MLLT10: variants seen among roughly 807,000 people sequenced by gnomAD.
MLLT10 encodes the protein MLLT10 histone lysine methyltransferase DOT1L cofactor.
Under a neutral mutation model 129.1 loss-of-function variants are expected in MLLT10, and 30 were observed. The ratio of observed to expected loss-of-function variants is 0.23; its 90% confidence interval spans 0.17 to 0.32. The LOEUF (loss-of-function observed/expected upper bound fraction) is 0.32, where lower values mean the gene tolerates loss of function less well. Among genes scored for constraint, MLLT10 ranks in the 10% least tolerant of loss-of-function variants. The pLI, the probability that MLLT10 is intolerant of heterozygous loss-of-function variation, is 1.00. For synonymous variants in MLLT10, 490 were observed against 446.4 expected (o/e 1.10, Z -1.23); for missense variants, 1,119 against 1,268.3 (o/e 0.88, Z 1.79).
rs527697532 is a variant in MLLT10 at position 21,534,410 on chromosome 10, TGAGGAGGAG to T, written c.-103_-95del. On this transcript the variant is annotated 5_prime_UTR_variant, in exon 1 of 23. Transcript: ENST00000307729. Reference sequence around the variant, plus strand: ...GGGTGGAGGTGGGGAGGGAAGACGCTGAGGAGGAGGAGGAGGCGGAGGAGGCGGTGGAGG... The same window carrying T: ...GGGTGGAGGTGGGGAGGGAAGACGCTGAGGAGGCGGAGGAGGCGGTGGAGG... 4.5e-6 allele frequency: 2 copies of T among 442,884 alleles called. No homozygotes were observed. Among genetic ancestry groups the T allele is most frequent in the Non-Finnish European group, 8.0e-6 (2 of 248,870 alleles). 27.4% of individuals were successfully genotyped at this position (442,884 alleles called of 1,614,324 possible).
intron 8 of MLLT10, among the ~76,000 whole-genome samples, chr10:21,632,965 AC>A (rs1466428005): frequency 6.6e-6 from 1 of 152,196 alleles, no homozygotes; most frequent in Non-Finnish European, 1.5e-5. Context: ...GATCTATTAA[AC>A]ATGGCATGTC....
At chr10:21,579,816 G>C (rs1051718569) in intron 3 of MLLT10, among the ~76,000 whole-genome samples, 1 of 151,814 alleles carries the variant, frequency 6.6e-6, no homozygotes, top group African/African-American at 2.4e-5. Context: ...ACCCACCTCG[G>C]CCTCCCAAAG....
chr10:21,601,661 T>C (rs937971438), intron 5 of MLLT10, among the ~76,000 whole-genome samples: 1 of 152,174 alleles, frequency 6.6e-6, no homozygotes, highest in Admixed American at 6.5e-5. Context: ...CCTGAGTAAC[T>C]AGGAGTACAG....
chr10:21,556,920 G>C, intron 3 of MLLT10: 1 of 1,550,034 alleles, frequency 6.5e-7, no homozygotes, highest in Non-Finnish European at 8.7e-7. Flanking sequence ...GTCATTTGGC[G>C]TTTCAAGAAG....
intron 16 of MLLT10, among the ~76,000 whole-genome samples, chr10:21,729,295 C>T (rs570949440): frequency 6.6e-6 from 1 of 151,926 alleles, no homozygotes; most frequent in South Asian, 2.1e-4. Flanking sequence ...TACAAGCTAC[C>T]GAGAATTATT....
intron 3 of MLLT10, among the ~76,000 whole-genome samples, chr10:21,584,853 C>T (rs1261425686): frequency 1.3e-5 from 2 of 149,772 alleles, no homozygotes; most frequent in African/African-American, 2.5e-5. Context: ...CATATATATA[C>T]GTATGTGTGT....
At chr10:21,561,295 G>A (rs1246734870) in intron 3 of MLLT10, among the ~76,000 whole-genome samples, 1 of 152,128 alleles carries the variant, frequency 6.6e-6, no homozygotes, top group East Asian at 1.9e-4. Flanking sequence ...TGCCCAGGCT[G>A]GAGTGCAGTG....
chr10:21,671,811 G>C (rs916695028), intron 10 of MLLT10, among the ~76,000 whole-genome samples: 4 of 152,106 alleles, frequency 2.6e-5, no homozygotes, highest in Admixed American at 2.0e-4. Flanking sequence ...AAATTAGCCA[G>C]GCTTGGTGAT....
chr10:21,670,313 G>T, intron 9 of MLLT10, 136 bp from the exon 10 acceptor site: 1 of 726,420 alleles, frequency 1.4e-6, no homozygotes. Context: ...GATTTTCTTA[G>T]GTGAACTGAC....
At chr10:21,612,215 C>T in intron 5 of MLLT10, 133 bp from the exon 6 acceptor site, 4 of 526,510 alleles carry the variant, frequency 7.6e-6, no homozygotes, top group East Asian at 2.9e-5. Context: ...GATTATTGTC[C>T]AAAATGAATT....
At chr10:21,738,478 G>T in intron 21 of MLLT10, 1 of 1,288,954 alleles carries the variant, frequency 7.8e-7, no homozygotes, top group Middle Eastern at 2.1e-4. Context: ...AGACCATGAG[G>T]ACTAAAGGAC....
intron 3 of MLLT10, among the ~76,000 whole-genome samples, chr10:21,558,194 AC>A (rs2038314097): frequency 6.6e-6 from 1 of 151,310 alleles, no homozygotes; most frequent in Admixed American, 6.6e-5. Flanking sequence ...CCGGTGATCC[AC>A]CCACCTCGAC....
At chr10:21,619,029 T>TACACACAC (rs66469025) in intron 8 of MLLT10, among the ~76,000 whole-genome samples, 6,726 of 143,810 alleles carry the variant, frequency 0.047, 176 homozygotes, top group South Asian at 0.075. Flanking sequence ...CCTGGTGACA[T>TACACACAC]ACACACACAC....
chr10:21,708,662 G>A (rs2055776183), intron 13 of MLLT10: 1 of 985,072 alleles, frequency 1.0e-6, no homozygotes, highest in African/African-American at 1.7e-5. Context: ...TCGTATGTAA[G>A]TATACGTTGA....
chr10:21,563,994 A>G (rs1248858503), intron 3 of MLLT10, among the ~76,000 whole-genome samples: 2 of 151,892 alleles, frequency 1.3e-5, no homozygotes, highest in Non-Finnish European at 2.9e-5. Context: ...TTGTATTTTT[A>G]GTAGAGACGG....
intron 9 of MLLT10, among the ~76,000 whole-genome samples, chr10:21,654,405 T>A (rs1224757608): frequency 2.6e-5 from 4 of 152,152 alleles, no homozygotes; most frequent in African/African-American, 7.2e-5. Context: ...CCCTAGAATA[T>A]GAGAAGGGAT....
intron 3 of MLLT10, among the ~76,000 whole-genome samples, chr10:21,549,563 G>A (rs571880677): frequency 1.3e-5 from 2 of 152,130 alleles, no homozygotes; most frequent in South Asian, 4.2e-4. Context: ...AAGCATGGCA[G>A]CTGGAACTGC....
chr10:21,609,916 A>G (rs1215002514), intron 5 of MLLT10, among the ~76,000 whole-genome samples: 1 of 152,076 alleles, frequency 6.6e-6, no homozygotes, highest in Non-Finnish European at 1.5e-5. Context: ...CAGATTGTGA[A>G]TTCTCCATTA....
intron 9 of MLLT10, chr10:21,669,132 A>C: frequency 8.2e-7 from 1 of 1,223,922 alleles, no homozygotes; most frequent in South Asian, 1.4e-5. Flanking sequence ...ACTTACTTTG[A>C]AACGTTTGTT....
Sources: allele counts gnomAD v4.1 joint callset (sites outside exome capture counted in the v4.1 genomes callset), GRCh38; gene constraint gnomAD v4.1.1; transcripts MANE v1.5; gene names NCBI Gene and HGNC (gene_info 2026-07-23, HGNC 2026-07-21).